The following DLG2 variants were observed in gnomAD, a reference collection of about 807,000 sequenced individuals.
The protein encoded by DLG2 is disks large homolog 2.
A neutral mutation model predicts 132.5 loss-of-function variants in DLG2; 45 were observed. The observed-to-expected ratio is 0.34, with a 90% CI of 0.27 to 0.44. The LOEUF is 0.44. Among genes scored for constraint, DLG2 ranks in the 20% least tolerant of loss-of-function variants. DLG2 has a pLI of 1.00. For synonymous variants in DLG2, 424 were observed against 419.6 expected (o/e 1.01, Z -0.13); for missense variants, 1,045 against 1,196.9 (o/e 0.87, Z 1.87).
chr11:85,593,508 C>G (rs566201674), intron 3 of DLG2, among the ~76,000 whole-genome samples: 4 of 152,058 alleles, frequency 2.6e-5, no homozygotes, highest in Non-Finnish European at 5.9e-5. Context: ...GAGAATCTCT[C>G]TTTTTGAAGA....
chr11:84,961,938 C>G (rs976648455), intron 6 of DLG2, among the ~76,000 whole-genome samples: 1 of 152,230 alleles, frequency 6.6e-6, no homozygotes, highest in Non-Finnish European at 1.5e-5. Context: ...AGCCCCACCC[C>G]AGCCCCACTC....
chr11:85,316,457 T>C (rs1296910114), intron 3 of DLG2, among the ~76,000 whole-genome samples: 4 of 151,908 alleles, frequency 2.6e-5, no homozygotes, highest in Non-Finnish European at 5.9e-5. Flanking sequence ...GATTAATATA[T>C]TACCTCAAAA....
intron 18 of DLG2, among the ~76,000 whole-genome samples, chr11:83,734,889 A>C (rs765481929): frequency 4.6e-5 from 7 of 151,724 alleles, no homozygotes; most frequent in Non-Finnish European, 7.4e-5. Flanking sequence ...TATTATATAT[A>C]TACACATATG....
At chr11:85,061,456 G>A (rs914466094) in intron 6 of DLG2, among the ~76,000 whole-genome samples, 11 of 151,790 alleles carry the variant, frequency 7.2e-5, no homozygotes, top group Admixed American at 4.0e-4. Flanking sequence ...TTTCTCAGTC[G>A]CTGCAACAAA....
chr11:85,381,220 C>T (rs1448181935), intron 3 of DLG2, among the ~76,000 whole-genome samples: 1 of 152,166 alleles, frequency 6.6e-6, no homozygotes, highest in Non-Finnish European at 1.5e-5. Context: ...ATTAGACTTT[C>T]TGGTTTTTCA....
intron 7 of DLG2, among the ~76,000 whole-genome samples, chr11:84,426,950 A>T (rs2098968604): frequency 6.6e-6 from 1 of 152,136 alleles, no homozygotes; most frequent in Non-Finnish European, 1.5e-5. Flanking sequence ...TTAAAAGGAA[A>T]TAAAAACCTA....
At chr11:83,710,829 A>G (rs995892628) in intron 18 of DLG2, among the ~76,000 whole-genome samples, 1 of 152,188 alleles carries the variant, frequency 6.6e-6, no homozygotes, top group African/African-American at 2.4e-5. Context: ...ATATAAATAT[A>G]CTCCAGAATA....
At chr11:84,464,093 T>A (rs1388962988) in intron 7 of DLG2, among the ~76,000 whole-genome samples, 2 of 151,230 alleles carry the variant, frequency 1.3e-5, no homozygotes, top group Non-Finnish European at 1.5e-5. Context: ...CAGAGATAAT[T>A]TGTATTGGGA....
At chr11:84,308,751 C>A (rs879416274) in intron 7 of DLG2, among the ~76,000 whole-genome samples, 2 of 152,186 alleles carry the variant, frequency 1.3e-5, no homozygotes, top group African/African-American at 4.8e-5. Context: ...CTGGGGGACC[C>A]AGTACACCCT....
chr11:83,977,238 C>T (rs1375727506), intron 12 of DLG2, among the ~76,000 whole-genome samples: 1 of 151,914 alleles, frequency 6.6e-6, no homozygotes, highest in East Asian at 1.9e-4. Flanking sequence ...TAAGTCCTTG[C>T]TTTTTGAGAA....
intron 6 of DLG2, among the ~76,000 whole-genome samples, chr11:84,839,282 A>T (rs1599386490): frequency 6.6e-6 from 1 of 152,264 alleles, no homozygotes; most frequent in East Asian, 1.9e-4. Context: ...AATCCAACTT[A>T]CAAAAGATGC....
At chr11:84,924,733 T>C (rs930708579) in intron 6 of DLG2, among the ~76,000 whole-genome samples, 3 of 152,182 alleles carry the variant, frequency 2.0e-5, no homozygotes, top group Non-Finnish European at 2.9e-5. Context: ...AAGCTGGAGA[T>C]CCTTGGGCAA....
At chr11:85,412,525 T>C (rs1007945830) in intron 3 of DLG2, among the ~76,000 whole-genome samples, 2 of 151,682 alleles carry the variant, frequency 1.3e-5, no homozygotes, top group Non-Finnish European at 2.9e-5. Flanking sequence ...CCCTTTCCAT[T>C]CTTTTCCACG....
At chr11:85,625,005 T>C (rs2081958072) in intron 2 of DLG2, 1 of 152,218 alleles carries the variant, frequency 6.6e-6, no homozygotes, top group South Asian at 2.1e-4. Flanking sequence ...ACTCGGTTTA[T>C]GGGGTTTAGA....
chr11:83,523,846 G>T (rs561989208), intron 21 of DLG2, among the ~76,000 whole-genome samples: 3 of 152,232 alleles, frequency 2.0e-5, no homozygotes, highest in Admixed American at 6.5e-5. Context: ...AGGGGGCGGG[G>T]TTTAGAATCA....
At chr11:83,666,009 C>T (rs1360424576) in intron 18 of DLG2, among the ~76,000 whole-genome samples, 1 of 152,030 alleles carries the variant, frequency 6.6e-6, no homozygotes, top group Non-Finnish European at 1.5e-5. Flanking sequence ...TTTTTTTTTA[C>T]AAACATGAAT....
At chr11:83,864,372 T>A (rs1177972232) in intron 16 of DLG2, among the ~76,000 whole-genome samples, 2 of 152,196 alleles carry the variant, frequency 1.3e-5, no homozygotes, top group African/African-American at 4.8e-5. Context: ...TTCTCAAATA[T>A]CTCACCAGAG....
chr11:83,910,358 T>C (rs1244588600), intron 15 of DLG2, among the ~76,000 whole-genome samples: 1 of 152,152 alleles, frequency 6.6e-6, no homozygotes, highest in Admixed American at 6.6e-5. Context: ...ATTCGATTAA[T>C]GGTCAGTCAG....
intron 21 of DLG2, among the ~76,000 whole-genome samples, chr11:83,502,075 T>G (rs1270323480): frequency 6.6e-6 from 1 of 152,210 alleles, no homozygotes; most frequent in Non-Finnish European, 1.5e-5. Flanking sequence ...TTGGTAACAT[T>G]TGTTAAATGC....
Sources: allele counts gnomAD v4.1 joint callset (sites outside exome capture counted in the v4.1 genomes callset), GRCh38; gene constraint gnomAD v4.1.1; transcripts MANE v1.5; gene names NCBI Gene and HGNC (gene_info 2026-07-23, HGNC 2026-07-21).